The following C2orf42 variants were observed in gnomAD, a reference collection of about 807,000 sequenced individuals.
C2orf42 encodes the protein uncharacterized protein C2orf42.
A neutral mutation model predicts 58.9 loss-of-function variants in C2orf42; 44 were observed. The ratio of observed to expected loss-of-function variants is 0.75; its 90% CI spans 0.59 to 0.96. C2orf42 has a LOEUF of 0.96. Ranked by LOEUF, C2orf42 falls within the 40% of genes least tolerant of loss-of-function variation. C2orf42 has a pLI of 0.00. For synonymous variants in C2orf42, 239 were observed against 265.4 expected (o/e 0.90, Z 0.97); for missense variants, 630 against 699.2 (o/e 0.90, Z 1.12).
At chr2:70,153,286 G>A (rs1672424079) in intron 9 of C2orf42, among the ~76,000 whole-genome samples, 1 of 151,838 alleles carries the variant, frequency 6.6e-6, no homozygotes, top group Non-Finnish European at 1.5e-5. Flanking sequence ...TCCACATACA[G>A]ATCTGAGAGG....
chr2:70,150,075 C>A lies in C2orf42; in HGVS notation c.*281G>T. On this transcript the variant is annotated 3_prime_UTR_variant, in exon 10 of 10. Coordinates refer to ENST00000264434, the MANE Select transcript of C2orf42 (RefSeq NM_017880.3). ...TTGAAATAAACGCTAAAGATGAGTC[C>A]GTAAGAAGGAAAATAAGCTGGTTTT... 2.2e-6 allele frequency: 1 copy of A among 454,122 alleles called. No homozygotes were observed. The highest frequency in any genetic ancestry group is 4.0e-6 in the Non-Finnish European group (1 of 249,016). The allele number at this position is 454,122 out of a possible 1,614,324, so 28.1% of individuals were successfully genotyped here.
In C2orf42 at chr2:70,181,025, A is replaced by G. The variant is rs1440143584; in HGVS notation, c.823+138T>C. The G allele has an allele frequency of 4.4e-5, 20 of 456,142 alleles. No individual in the cohort carries two copies. The East Asian group carries it at 7.1e-4, about 16-fold the overall frequency. The allele number at this position is 456,142 out of a possible 1,614,324, so 28.3% of individuals were successfully genotyped here. On this transcript the variant is annotated intron_variant, in intron 3 of 9. Transcript: ENST00000264434. ...CAAAAAAAAAAAAAAAAAAAAAAAA[A>G]AAGAAGGAACACTTTTCATTTGAAT...
chr2:70,156,861 CAAA>C (rs57668419), intron 9 of C2orf42, among the ~76,000 whole-genome samples: 1 of 117,734 alleles, frequency 8.5e-6, no homozygotes, highest in Non-Finnish European at 1.9e-5. Context: ...GACCCTATCT[CAAA>C]AAAAAAAAAA....
intron 9 of C2orf42, among the ~76,000 whole-genome samples, chr2:70,158,881 C>G (rs1470856782): frequency 1.3e-5 from 2 of 150,274 alleles, no homozygotes; most frequent in African/African-American, 2.5e-5. Flanking sequence ...CATGAGCCAC[C>G]GCGCTCGGCC....
rs529451505 is a variant in C2orf42 at position 70,188,334 on chromosome 2, T to C, written c.-282+2639A>G. ...TCCTGAGTAGCTGGGATTACAGGCG[T>C]CCACCACCAAGCCCGGCTAATTTTT... On this transcript the variant is annotated intron_variant, in intron 1 of 9. Transcript: ENST00000264434. 5.3e-5 allele frequency among the ~76,000 whole-genome samples: 8 copies of C among 151,722 alleles called. No individual in the cohort carries two copies. The East Asian group carries it at 1.6e-3, about 30-fold the overall frequency.
At chr2:70,187,369 G>A (rs926177131) in intron 1 of C2orf42, among the ~76,000 whole-genome samples, 1 of 152,058 alleles carries the variant, frequency 6.6e-6, no homozygotes, top group African/African-American at 2.4e-5. Flanking sequence ...TCCTGCCTCA[G>A]CCTCCTGAGT....
chr2:70,171,662 CT>C (rs1673832850), intron 5 of C2orf42, among the ~76,000 whole-genome samples: 1 of 151,922 alleles, frequency 6.6e-6, no homozygotes, highest in South Asian at 2.1e-4. Context: ...CAGGCACCTG[CT>C]ACCGTGCCTG....
At chr2:70,184,336 C>G (rs763121334) in intron 1 of C2orf42, among the ~76,000 whole-genome samples, 1 of 151,958 alleles carries the variant, frequency 6.6e-6, no homozygotes, top group Admixed American at 6.6e-5. Flanking sequence ...AAGCAATTCT[C>G]TGGCTAATTT....
chr2:70,159,698 T>C lies in C2orf42; in HGVS notation c.1516+927A>G, dbSNP rs561082219. 2.3e-3 allele frequency among the ~76,000 whole-genome samples: 355 copies of C among 152,132 alleles called. 1 individual carries two copies. Among genetic ancestry groups the C allele is most frequent in the African/African-American group, 8.2e-3 (341 of 41,498 alleles). ...CAGTCTAAAACAGACTTAGAAGAGA[T>C]TTTAATTTTTCTTCTTTTAGTAAAG... is the stretch of plus-strand genomic sequence containing the variant. On this transcript the variant is annotated intron_variant, in intron 9 of 9. Coordinates refer to ENST00000264434, the MANE Select transcript of C2orf42 (RefSeq NM_017880.3).
chr2:70,179,030 G>A (rs1674376187), intron 4 of C2orf42, among the ~76,000 whole-genome samples: 1 of 152,062 alleles, frequency 6.6e-6, no homozygotes, highest in Non-Finnish European at 1.5e-5. Flanking sequence ...TTAGTGTGGG[G>A]AATATAACCA....
At position 70,150,384 on chromosome 2, in the gene C2orf42, GC is replaced by G; in HGVS notation, c.1696del (p.Ala566ProfsTer3). ...AGGGAAAGTAATAGTGGTCAGAGGGGCCAGTTCCAAGGGCTGGTCCAAGGGG... is the reference window on the plus strand; with the variant it reads ...AGGGAAAGTAATAGTGGTCAGAGGGGCAGTTCCAAGGGCTGGTCCAAGGGG... Reference protein sequence around the residue: ...RPPLDQPLELAPLTTITFP With the variant: ...RPPLDQPLELXPLTTITFP On this transcript the variant is annotated frameshift_variant, in exon 10 of 10. Coordinates refer to ENST00000264434, the MANE Select transcript of C2orf42 (RefSeq NM_017880.3). LOFTEE classifies it high-confidence loss of function. 1 of 1,613,922 alleles carries G rather than the reference GC, an allele frequency of 6.2e-7. No individual in the cohort carries two copies. Among genetic ancestry groups the G allele is most frequent in the Non-Finnish European group, 8.5e-7 (1 of 1,179,964 alleles).
intron 4 of C2orf42, among the ~76,000 whole-genome samples, chr2:70,177,477 G>A (rs1195390609): frequency 6.6e-6 from 1 of 152,056 alleles, no homozygotes; most frequent in African/African-American, 2.4e-5. Flanking sequence ...AACAATTTCT[G>A]CTCTATATTC....
rs1406205230 is a variant in C2orf42, at chr2:70,160,488, C to T, written c.1516+137G>A. On this transcript the variant is annotated intron_variant, in intron 9 of 9. Coordinates refer to ENST00000264434, the MANE Select transcript of C2orf42 (RefSeq NM_017880.3). Reference sequence around the variant, plus strand: ...CACTGGTTCAATTGAAACAAAATACCTTATCCCACGATTGCCTTTACAAGG... The same window carrying T: ...CACTGGTTCAATTGAAACAAAATACTTTATCCCACGATTGCCTTTACAAGG... The T allele has an allele frequency of 6.7e-6, 4 of 594,718 alleles. No homozygotes were observed. In the East Asian group the frequency reaches 1.2e-4, roughly 18 times the overall value. The allele number at this position is 594,718 out of a possible 1,614,324, so 36.8% of individuals were successfully genotyped here.
At chr2:70,164,489 G>A (rs532702123) in intron 8 of C2orf42, among the ~76,000 whole-genome samples, 7 of 151,986 alleles carry the variant, frequency 4.6e-5, no homozygotes, top group South Asian at 2.1e-4. Flanking sequence ...AAAATTAGCC[G>A]GGTATGGTGG....
chr2:70,187,455 G>C (rs1401067459), intron 1 of C2orf42, among the ~76,000 whole-genome samples: 1 of 151,924 alleles, frequency 6.6e-6, no homozygotes, highest in Non-Finnish European at 1.5e-5. Flanking sequence ...GTTTCACCAT[G>C]TTGGCCAGGC....
chr2:70,150,013 C>A lies in C2orf42; in HGVS notation c.*343G>T. 3.0e-6 allele frequency: 1 copy of A among 331,966 alleles called. No homozygotes were observed. Among genetic ancestry groups the A allele is most frequent in the Non-Finnish European group, 5.8e-6 (1 of 173,414 alleles). The allele number at this position is 331,966 out of a possible 1,614,324, so 20.6% of individuals were successfully genotyped here. ...ACTTTCCAACACTGTTGGTGTATGG[C>A]TGAGTGCTGCAGATTTCTCAGAGAA... On this transcript the variant is annotated 3_prime_UTR_variant, in exon 10 of 10. Coordinates refer to ENST00000264434, the MANE Select transcript of C2orf42 (RefSeq NM_017880.3).
At chr2:70,150,934 A>T (rs1672270212) in intron 9 of C2orf42, among the ~76,000 whole-genome samples, 1 of 152,076 alleles carries the variant, frequency 6.6e-6, no homozygotes, top group Admixed American at 6.5e-5. Flanking sequence ...TTTAGTAGAG[A>T]TGGGGTTTCA....
intron 1 of C2orf42, among the ~76,000 whole-genome samples, chr2:70,185,509 G>A (rs1266254535): frequency 4.6e-5 from 7 of 152,008 alleles, no homozygotes; most frequent in Middle Eastern, 3.4e-3. Context: ...CCAGGAGTTC[G>A]AGACCAGCCT....
rs186586600 is a variant in C2orf42 at position 70,188,977 on chromosome 2, C to G, written c.-282+1996G>C. On this transcript the variant is annotated intron_variant, in intron 1 of 9. Coordinates refer to ENST00000264434, the MANE Select transcript of C2orf42 (RefSeq NM_017880.3). ...AAATGAGGGAAATTATAAGGCAACT[C>G]AATGAAGAATATTTGTAGCAGCAAA... 5.9e-5 allele frequency among the ~76,000 whole-genome samples: 9 copies of G among 152,138 alleles called. No individual in the cohort carries two copies. The East Asian group carries it at 1.5e-3, about 26-fold the overall frequency.
Sources: allele counts gnomAD v4.1 joint callset (sites outside exome capture counted in the v4.1 genomes callset), GRCh38; gene constraint gnomAD v4.1.1; transcripts MANE v1.5; gene names NCBI Gene and HGNC (gene_info 2026-07-23, HGNC 2026-07-21).